ITGA11: variants seen among roughly 807,000 people sequenced by gnomAD.
The protein encoded by ITGA11 is integrin alpha-11.
In ITGA11, 97 loss-of-function variants were observed where a neutral mutation model predicts 141.9. That is an observed-to-expected ratio of 0.68 (90% CI 0.58 to 0.81). The LOEUF is 0.81. Among genes scored for constraint, ITGA11 ranks in the 30% least tolerant of loss-of-function variants. The pLI is 0.00. For synonymous variants in ITGA11, 658 were observed against 624.6 expected, an observed-to-expected ratio of 1.05 and a Z score of -0.80; for missense variants, 1,387 against 1,559.2, an observed-to-expected ratio of 0.89 and a Z score of 1.86.
At position 68,298,372 on chromosome 15, in the gene ITGA11, C is replaced by T. The variant is rs553655641; in HGVS notation, c.*4687G>A. 3.9e-5 allele frequency: 6 copies of T among 152,198 alleles called. No individual in the cohort carries two copies. The highest frequency in any genetic ancestry group is 1.4e-4 in the African/African-American group (6 of 41,496). 9.4% of individuals were successfully genotyped at this position (152,198 alleles called of 1,614,324 possible). On this transcript the variant is annotated 3_prime_UTR_variant, in exon 30 of 30. Coordinates refer to ENST00000315757, the MANE Select transcript of ITGA11 (RefSeq NM_001004439.2). The stretch of plus-strand genomic sequence containing the variant: ...TTGCATGTTGGCGCTTATTGAACAC[C>T]TACTGTATTTCAGGCACTGCACCAC...
intron 2 of ITGA11, among the ~76,000 whole-genome samples, chr15:68,395,284 CAG>C (rs1329702988): frequency 6.6e-6 from 1 of 152,132 alleles, no homozygotes; most frequent in Non-Finnish European, 1.5e-5. Flanking sequence ...CAAAGGATCG[CAG>C]ATCCTCACCA....
intron 10 of ITGA11, 39 bp downstream of exon 10, chr15:68,348,791 A>G: frequency 6.4e-7 from 1 of 1,562,784 alleles, no homozygotes; most frequent in Non-Finnish European, 8.7e-7. Context: ...CCCTCGAGAG[A>G]CAGAGGCTGG....
intron 10 of ITGA11, among the ~76,000 whole-genome samples, chr15:68,348,349 A>G (rs908305387): frequency 6.6e-6 from 1 of 152,194 alleles, no homozygotes; most frequent in African/African-American, 2.4e-5. Context: ...CAACATTGAC[A>G]TGGGGCCTGG....
chr15:68,395,029 C>A (rs1896198681), intron 2 of ITGA11, among the ~76,000 whole-genome samples: 2 of 152,284 alleles, frequency 1.3e-5, no homozygotes, highest in South Asian at 2.1e-4. Flanking sequence ...GATATCCAGG[C>A]AAACAGGGTC....
chr15:68,382,653 C>T (rs1895891537), intron 2 of ITGA11, among the ~76,000 whole-genome samples: 1 of 152,248 alleles, frequency 6.6e-6, no homozygotes, highest in African/African-American at 2.4e-5. Flanking sequence ...TCCCTTCCCT[C>T]TCTTCTCTCT....
At chr15:68,371,430 C>T (rs1443593872) in intron 2 of ITGA11, among the ~76,000 whole-genome samples, 1 of 152,108 alleles carries the variant, frequency 6.6e-6, no homozygotes, top group Admixed American at 6.5e-5. Flanking sequence ...AAGCCACGGC[C>T]AGCTGGGTGC....
At chr15:68,339,409 C>T (rs1187093743) in intron 11 of ITGA11, 91 bp downstream of exon 11, 2 of 1,404,204 alleles carry the variant, frequency 1.4e-6, no homozygotes, top group Non-Finnish European at 1.9e-6. Context: ...CACAGCAGGC[C>T]CCTCACTCGT....
At chr15:68,314,509 G>C (rs1893504096) in intron 22 of ITGA11, among the ~76,000 whole-genome samples, 1 of 152,156 alleles carries the variant, frequency 6.6e-6, no homozygotes, top group African/African-American at 2.4e-5. Flanking sequence ...GACTGAGTTT[G>C]ATTCCCTTTG....
At chr15:68,311,527 T>A in intron 24 of ITGA11, 124 bp from the exon 25 acceptor site, 1 of 664,058 alleles carries the variant, frequency 1.5e-6, no homozygotes, top group South Asian at 1.8e-5. Flanking sequence ...AAAGGCCCAC[T>A]CAAGACCCCT....
rs957999865 is a variant in ITGA11 at position 68,298,416 on chromosome 15, AAGAG to A, written c.*4639_*4642del. 6.6e-6 allele frequency: 1 copy of A among 152,106 alleles called. No homozygotes were observed. The highest frequency in any genetic ancestry group is 1.9e-4 in the East Asian group (1 of 5,194). The allele number at this position is 152,106 out of a possible 1,614,324, so 9.4% of individuals were successfully genotyped here. On this transcript the variant is annotated 3_prime_UTR_variant, in exon 30 of 30. Coordinates refer to ENST00000315757, the MANE Select transcript of ITGA11 (RefSeq NM_001004439.2). ...GCACCACAGATATGCATACAAAAAT[AAGAG>A]AGACCAGTGTGGGCAACAAAGTGAG...
At chr15:68,403,082 G>T in intron 1 of ITGA11, 53 bp from the exon 2 acceptor site, 1 of 1,228,820 alleles carries the variant, frequency 8.1e-7, no homozygotes, top group Non-Finnish European at 1.2e-6. Flanking sequence ...AGGCAGAGGT[G>T]TAGGCCCTGG....
In ITGA11 at chr15:68,307,283, C is replaced by T; in HGVS notation, c.3381+65G>A. The T allele has an allele frequency of 8.5e-7, 1 of 1,172,978 alleles. No individual in the cohort carries two copies. The highest frequency in any genetic ancestry group is 2.6e-4 in the Middle Eastern group (1 of 3,910). The allele number at this position is 1,172,978 out of a possible 1,614,324, so 72.7% of individuals were successfully genotyped here. On this transcript the variant is annotated intron_variant, in intron 28 of 29. Coordinates refer to ENST00000315757, the MANE Select transcript of ITGA11 (RefSeq NM_001004439.2). The surrounding 1 kb of genome is among the most constrained non-coding windows in gnomAD (Gnocchi z 6.1). The stretch of plus-strand genomic sequence containing the variant: ...GTTGTAGGAAAACTCTATAGAGGAG[C>T]ACGGCCAACCCTTTCCCAAGCTGTC...
Position 68,325,330 on chromosome 15 carries a change from C to T in ITGA11, c.2212-89G>A. ...GTGGATGCTGAGATAGAACTTCCAC[C>T]TTCCTTAGATGGCAGGGCAGCTGCC... is the stretch of plus-strand genomic sequence containing the variant. On this transcript the variant is annotated intron_variant, in intron 17 of 29. Coordinates refer to ENST00000315757, the MANE Select transcript of ITGA11 (RefSeq NM_001004439.2). This position sits in a 1 kb window ranked among gnomAD's most constrained non-coding sequence, Gnocchi z 5.5. 3 of 896,534 alleles carry T rather than the reference C, an allele frequency of 3.3e-6. No individual in the cohort carries two copies. The Admixed American group carries it at 5.7e-5, about 17-fold the overall frequency. 55.5% of individuals were successfully genotyped at this position (896,534 alleles called of 1,614,324 possible). A position where few individuals can be genotyped will look rare whatever the true frequency, so the allele number is the denominator to read the frequency against.
At chr15:68,364,350 A>C (rs1030628599) in intron 4 of ITGA11, among the ~76,000 whole-genome samples, 10 of 152,236 alleles carry the variant, frequency 6.6e-5, no homozygotes, top group Admixed American at 4.6e-4. Flanking sequence ...CCAGACAACT[A>C]GCTCCCCAAG....
intron 12 of ITGA11, among the ~76,000 whole-genome samples, chr15:68,334,644 G>A (rs1894286824): frequency 6.6e-6 from 1 of 152,102 alleles, no homozygotes; most frequent in African/African-American, 2.4e-5. Context: ...GACAGCAAGT[G>A]AGGGAGGGGG....
At chr15:68,426,187 G>A (rs1438565590) in intron 1 of ITGA11, among the ~76,000 whole-genome samples, 4 of 152,204 alleles carry the variant, frequency 2.6e-5, no homozygotes, top group African/African-American at 9.7e-5. Flanking sequence ...TATTCCTTGG[G>A]CTCAAGGCAC....
intron 1 of ITGA11, among the ~76,000 whole-genome samples, chr15:68,403,537 A>G (rs1369020194): frequency 2.6e-5 from 4 of 152,098 alleles, no homozygotes; most frequent in Non-Finnish European, 5.9e-5. Flanking sequence ...AAGCTCCCTG[A>G]GGCCCTCATT....
At chr15:68,313,535 C>T (rs181119614) in intron 23 of ITGA11, among the ~76,000 whole-genome samples, 4 of 152,322 alleles carry the variant, frequency 2.6e-5, no homozygotes, top group Admixed American at 2.6e-4. Context: ...CCTTCTTGCC[C>T]CTGCTGGGAG....
intron 7 of ITGA11, among the ~76,000 whole-genome samples, chr15:68,355,447 C>CTTT (rs530960844): frequency 2.0e-5 from 3 of 150,768 alleles, no homozygotes; most frequent in African/African-American, 4.9e-5. Flanking sequence ...TTCTTTTTTT[C>CTTT]TTTTTTTCTT....
Sources: gnomAD v4.1 joint callset for allele counts (sites outside exome capture counted in the v4.1 genomes callset) on GRCh38, gnomAD v4.1.1 for gene constraint, Gnocchi (gnomAD v3.1) non-coding constraint, MANE v1.5 for transcripts, NCBI Gene and HGNC (gene_info 2026-07-23, HGNC 2026-07-21) for gene names.